Variants in GRM1 observed in about 807,000 individuals in gnomAD.
GRM1 encodes the protein glutamate metabotropic receptor 1, also known as metabotropic glutamate receptor 1.
Under a neutral mutation model 90.9 loss-of-function variants are expected in GRM1, and 33 were observed. The observed-to-expected ratio is 0.36, with a 90% CI of 0.28 to 0.49. The LOEUF (loss-of-function observed/expected upper bound fraction) is 0.49, where lower values mean the gene tolerates loss of function less well. GRM1 is among the 20% of genes least tolerant of loss of function. The probability of loss-of-function intolerance (pLI) is 0.99; values close to 1 mark genes in which losing one functional copy is unlikely to be tolerated. For synonymous variants in GRM1, 700 were observed against 613.2 expected (o/e 1.14, Z -2.09); for missense variants, 1,190 against 1,534.3 (o/e 0.78, Z 3.75).
intron 1 of GRM1, among the ~76,000 whole-genome samples, chr6:146,123,864 T>C (rs964921928): frequency 6.6e-6 from 1 of 152,200 alleles, no homozygotes; most frequent in Non-Finnish European, 1.5e-5. Flanking sequence ...ATCCTTATTT[T>C]TAAATCTCTG....
At chr6:146,088,933 G>A (rs781198005) in intron 1 of GRM1, among the ~76,000 whole-genome samples, 1 of 152,024 alleles carries the variant, frequency 6.6e-6, no homozygotes, top group Non-Finnish European at 1.5e-5. Context: ...TAGCCTCCTT[G>A]AATCAATGAA....
intron 3 of GRM1, among the ~76,000 whole-genome samples, chr6:146,342,907 T>C (rs1162108694): frequency 6.6e-6 from 1 of 152,250 alleles, no homozygotes; most frequent in Non-Finnish European, 1.5e-5. Flanking sequence ...ACATTTGTCA[T>C]AGTTAATGAA....
At chr6:146,103,219 G>A (rs1437215787) in intron 1 of GRM1, among the ~76,000 whole-genome samples, 1 of 152,188 alleles carries the variant, frequency 6.6e-6, no homozygotes, top group East Asian at 1.9e-4. Flanking sequence ...ATCCTAACCA[G>A]CATTATATAT....
intron 2 of GRM1, among the ~76,000 whole-genome samples, chr6:146,250,362 T>A (rs1041481764): frequency 1.3e-5 from 2 of 152,142 alleles, no homozygotes; most frequent in African/African-American, 2.4e-5. Context: ...AGGAACCTAG[T>A]GGGAGGTGAC....
At chr6:146,289,750 G>A (rs185292939) in intron 2 of GRM1, among the ~76,000 whole-genome samples, 29 of 152,198 alleles carry the variant, frequency 1.9e-4, no homozygotes, top group East Asian at 9.7e-4. Flanking sequence ...ATGTCCTAGC[G>A]TTGTGTTACA....
At chr6:146,266,601 C>G (rs1465811014) in intron 2 of GRM1, among the ~76,000 whole-genome samples, 1 of 152,218 alleles carries the variant, frequency 6.6e-6, no homozygotes, top group Non-Finnish European at 1.5e-5. Context: ...TCACTTATCT[C>G]CAACCACACT....
At chr6:146,030,263 A>T in intron 1 of GRM1, 46 bp downstream of exon 1, 1 of 1,241,512 alleles carries the variant, frequency 8.1e-7, no homozygotes. Flanking sequence ...AAGTCAGGGC[A>T]ATGCATGATG....
intron 1 of GRM1, among the ~76,000 whole-genome samples, chr6:146,064,646 G>A (rs143706292): frequency 6.6e-6 from 1 of 151,494 alleles, no homozygotes; most frequent in East Asian, 1.9e-4. Context: ...AAAAACAAGG[G>A]GTCAGATTTG....
intron 6 of GRM1, among the ~76,000 whole-genome samples, chr6:146,397,044 G>A (rs191262888): frequency 8.7e-4 from 132 of 152,250 alleles, no homozygotes; most frequent in Non-Finnish European, 1.5e-3. Context: ...GACAGAATGC[G>A]GGCACGAGGG....
chr6:146,397,670 T>C (rs536953181), intron 6 of GRM1, among the ~76,000 whole-genome samples: 1 of 152,186 alleles, frequency 6.6e-6, no homozygotes, highest in Admixed American at 6.5e-5. Context: ...ACATCACCTG[T>C]AGCAATACGA....
rs113651105 is a variant in GRM1, at chr6:146,316,572, A to G, written c.1186+11726A>G. On this transcript the variant is annotated intron_variant, in intron 3 of 7. Transcript: ENST00000282753. ...CTGCTGCAGGCTGATTCTGTAGGAT[A>G]TAAGTCTTTGGAAACAGATTCGAAA... 8.8e-3 allele frequency among the ~76,000 whole-genome samples: 1,338 copies of G among 152,340 alleles called. 13 individuals are homozygous for G. Among genetic ancestry groups the G allele is most frequent in the African/African-American group, 0.031 (1,286 of 41,574 alleles).
At chr6:146,251,672 C>T (rs1015215798) in intron 2 of GRM1, among the ~76,000 whole-genome samples, 4 of 152,242 alleles carry the variant, frequency 2.6e-5, no homozygotes, top group East Asian at 3.9e-4. Flanking sequence ...CTTGGGCGCA[C>T]GGATAAGGGC....
At chr6:146,268,295 C>A (rs1480966299) in intron 2 of GRM1, among the ~76,000 whole-genome samples, 1 of 152,184 alleles carries the variant, frequency 6.6e-6, no homozygotes, top group African/African-American at 2.4e-5. Flanking sequence ...CAGCACTTTA[C>A]CTCACTGAGT....
intron 2 of GRM1, among the ~76,000 whole-genome samples, chr6:146,242,107 G>A (rs2114736121): frequency 6.6e-6 from 1 of 152,262 alleles, no homozygotes; most frequent in East Asian, 1.9e-4. Flanking sequence ...GGCAAGCTGT[G>A]TTCAGGAGCA....
At chr6:146,068,904 A>G (rs1362209818) in intron 1 of GRM1, among the ~76,000 whole-genome samples, 1 of 152,236 alleles carries the variant, frequency 6.6e-6, no homozygotes, top group Non-Finnish European at 1.5e-5. Context: ...TATTTAAAAA[A>G]TCATACTTTG....
intron 1 of GRM1, among the ~76,000 whole-genome samples, chr6:146,098,512 G>A (rs770886813): frequency 7.9e-5 from 12 of 151,592 alleles, no homozygotes; most frequent in African/African-American, 1.9e-4. Flanking sequence ...TAATTGTCAC[G>A]CCTGTTGTTT....
intron 5 of GRM1, among the ~76,000 whole-genome samples, chr6:146,365,987 C>A (rs79907158): frequency 0.033 from 4,978 of 152,214 alleles, 112 homozygotes; most frequent in Non-Finnish European, 0.049. Context: ...TCCCCTGTGA[C>A]CTATTCCTCT....
intron 2 of GRM1, among the ~76,000 whole-genome samples, chr6:146,302,052 C>A (rs995750564): frequency 2.6e-5 from 4 of 152,046 alleles, no homozygotes; most frequent in Non-Finnish European, 2.9e-5. Flanking sequence ...CACCCACCCC[C>A]ATCGCATGCC....
At chr6:146,307,945 G>C (rs3025902) in intron 3 of GRM1, among the ~76,000 whole-genome samples, 1,774 of 152,298 alleles carry the variant, frequency 0.012, 12 homozygotes, top group South Asian at 0.029. Flanking sequence ...TGCTTAATTA[G>C]TTGAGTATAT....
Sources: gnomAD v4.1 joint callset for allele counts (sites outside exome capture counted in the v4.1 genomes callset) on GRCh38, gnomAD v4.1.1 for gene constraint, MANE v1.5 for transcripts, NCBI Gene and HGNC (gene_info 2026-07-23, HGNC 2026-07-21) for gene names.